The following LNPEP variants were observed in gnomAD, a reference collection of about 807,000 sequenced individuals.
LNPEP encodes the protein leucyl-cystinyl aminopeptidase.
LNPEP carries 64 observed loss-of-function variants against 120.6 expected under a neutral mutation model. That is an observed-to-expected ratio of 0.53 (90% CI 0.43 to 0.65). The LOEUF is 0.65. Ranked by LOEUF, LNPEP falls within the 30% of genes least tolerant of loss-of-function variation. The pLI is 0.00. For missense variants in LNPEP, 1,057 were observed against 1,200.0 expected (o/e 0.88, Z 1.76); for synonymous variants, 435 against 425.4 (o/e 1.02, Z -0.28).
chr5:96,979,052 G>T, intron 1 of LNPEP, 86 bp from the exon 2 acceptor site: 1 of 1,441,686 alleles, frequency 6.9e-7, no homozygotes, highest in Non-Finnish European at 9.3e-7. Context: ...TAGTTTAAAT[G>T]TGGTCTAGGT....
intron 11 of LNPEP, among the ~76,000 whole-genome samples, chr5:97,009,597 A>G (rs1184756816): frequency 6.6e-6 from 1 of 152,226 alleles, no homozygotes; most frequent in Non-Finnish European, 1.5e-5. Context: ...CTAGAATATA[A>G]TTGATTTAAT....
At chr5:96,956,862 C>G (rs1311284907) in intron 1 of LNPEP, among the ~76,000 whole-genome samples, 2 of 152,068 alleles carry the variant, frequency 1.3e-5, no homozygotes, top group African/African-American at 4.8e-5. Flanking sequence ...CAAATTGAAT[C>G]ATTTCTGTTA....
At chr5:96,972,134 T>C (rs1308778141) in intron 1 of LNPEP, among the ~76,000 whole-genome samples, 1 of 152,162 alleles carries the variant, frequency 6.6e-6, no homozygotes, top group African/African-American at 2.4e-5. Flanking sequence ...ACAGCTTAGT[T>C]ACTGGCTGAT....
Position 97,034,467 on chromosome 5 carries a change from G to A in LNPEP, c.*5934G>A, listed in dbSNP as rs779841423. 6.7e-6 allele frequency: 1 copy of A among 150,220 alleles called. No homozygotes were observed. The highest frequency in any genetic ancestry group is 2.4e-5 in the African/African-American group (1 of 40,834). 9.3% of individuals were successfully genotyped at this position (150,220 alleles called of 1,614,324 possible). A position where few individuals can be genotyped will look rare whatever the true frequency, so the allele number is the denominator to read the frequency against. ...TTTCTGGGTTTGTCTTTTTTTTAATGTATATAAAAGTTTGCTAGTTGTTGT... is the reference window on the plus strand; with the variant it reads ...TTTCTGGGTTTGTCTTTTTTTTAATATATATAAAAGTTTGCTAGTTGTTGT... On this transcript the variant is annotated 3_prime_UTR_variant, in exon 18 of 18. Transcript: ENST00000231368.
chr5:96,951,451 G>C (rs1258168434), intron 1 of LNPEP, among the ~76,000 whole-genome samples: 4 of 152,002 alleles, frequency 2.6e-5, no homozygotes. Context: ...GTAGAGACGG[G>C]GTTTCACTGT....
chr5:96,961,678 C>A (rs1181192644), intron 1 of LNPEP, among the ~76,000 whole-genome samples: 1 of 151,996 alleles, frequency 6.6e-6, no homozygotes, highest in Admixed American at 6.6e-5. Context: ...ATATTCAATC[C>A]CTGTATATTT....
At chr5:96,986,039 G>C (rs753368019) in intron 3 of LNPEP, among the ~76,000 whole-genome samples, 1 of 152,036 alleles carries the variant, frequency 6.6e-6, no homozygotes. Flanking sequence ...CCCTCATTTT[G>C]TGTCTGCTGC....
intron 14 of LNPEP, 73 bp downstream of exon 14, chr5:97,022,557 T>G: frequency 4.2e-6 from 5 of 1,184,870 alleles, no homozygotes; most frequent in Non-Finnish European, 6.2e-6. Context: ...ATCCAGGGTA[T>G]TCTCATCCTG....
At chr5:97,003,230 A>G (rs892674927) in intron 8 of LNPEP, among the ~76,000 whole-genome samples, 185 bp from the exon 9 acceptor site, 2 of 152,230 alleles carry the variant, frequency 1.3e-5, no homozygotes, top group African/African-American at 4.8e-5. Flanking sequence ...ATCCTTTAAA[A>G]TAATTTTAAG....
intron 16 of LNPEP, among the ~76,000 whole-genome samples, chr5:97,027,076 G>A (rs1439349745): frequency 6.6e-6 from 1 of 152,110 alleles, no homozygotes; most frequent in Non-Finnish European, 1.5e-5. Flanking sequence ...CTGTATGGCC[G>A]GGCGCGGTGG....
chr5:96,942,652 CAA>C (rs71617155), intron 1 of LNPEP, among the ~76,000 whole-genome samples: 1,159 of 94,482 alleles, frequency 0.012, 7 homozygotes, highest in Admixed American at 0.019. Context: ...GACTCCATCT[CAA>C]AAAAAAAAAA....
intron 1 of LNPEP, among the ~76,000 whole-genome samples, chr5:96,960,952 C>T (rs762093315): frequency 6.6e-6 from 1 of 152,012 alleles, no homozygotes; most frequent in Non-Finnish European, 1.5e-5. Flanking sequence ...TGGTCTTCAA[C>T]CATCAGCTTA....
chr5:97,016,730 A>G (rs1200456434), intron 13 of LNPEP, among the ~76,000 whole-genome samples: 1 of 152,014 alleles, frequency 6.6e-6, no homozygotes, highest in Non-Finnish European at 1.5e-5. Flanking sequence ...AACTTAAGAG[A>G]TTTTTTTTAT....
At chr5:97,011,048 C>T in intron 11 of LNPEP, 3 of 985,362 alleles carry the variant, frequency 3.0e-6, no homozygotes, top group African/African-American at 1.7e-5. Context: ...ACCATCTGGA[C>T]TTGGCTAGGT....
At position 96,976,487 on chromosome 5, in the gene LNPEP, A is replaced by G. The variant is rs555565587; in HGVS notation, c.20-2651A>G. ...ACTGTAGAATATCTCTTGGCTTTAA[A>G]TGGCATGGCAGAAGAATAAAAAAAC... is the stretch of plus-strand genomic sequence containing the variant. On this transcript the variant is annotated intron_variant, in intron 1 of 17. Transcript: ENST00000231368. 1.9e-4 allele frequency among the ~76,000 whole-genome samples: 29 copies of G among 152,266 alleles called. No individual in the cohort carries two copies. The South Asian group carries it at 6.0e-3, about 32-fold the overall frequency.
chr5:97,030,620 C>CTCTCTCTG lies in LNPEP; in HGVS notation c.*2088_*2089insCTCTCTGT, dbSNP rs1554071749. The CTCTCTCTG allele has an allele frequency of 7.9e-6, 1 of 126,278 alleles. No individual in the cohort carries two copies. Among genetic ancestry groups the CTCTCTCTG allele is most frequent in the Non-Finnish European group, 1.7e-5 (1 of 59,460 alleles). 7.8% of individuals were successfully genotyped at this position (126,278 alleles called of 1,614,324 possible). The stretch of plus-strand genomic sequence containing the variant: ...CATTTCTCTCCCTCTCTCTCTCTCT[C>CTCTCTCTG]TGTGTGTGTGTGTGTGTGTGTGTGT... On this transcript the variant is annotated 3_prime_UTR_variant, in exon 18 of 18. Transcript: ENST00000231368.
chr5:97,030,244 ATAT>A lies in LNPEP; in HGVS notation c.*1715_*1717del, dbSNP rs1355296338. On this transcript the variant is annotated 3_prime_UTR_variant, in exon 18 of 18. Transcript: ENST00000231368. ...AAATTTATCTGTTTTAGAGTAGAAA[ATAT>A]TATATCCTGAGAATCACAGAATCAT... 2.0e-5 allele frequency: 3 copies of A among 152,168 alleles called. No individual in the cohort carries two copies. The highest frequency in any genetic ancestry group is 3.2e-3 in the Middle Eastern group (1 of 316). 9.4% of individuals were successfully genotyped at this position (152,168 alleles called of 1,614,324 possible). A position where few individuals can be genotyped will look rare whatever the true frequency, so the allele number is the denominator to read the frequency against.
In LNPEP at chr5:96,992,986, C is replaced by T. The variant is rs1790426980; in HGVS notation, c.1132-29C>T. 2.0e-6 allele frequency: 3 copies of T among 1,529,092 alleles called. No individual in the cohort carries two copies. The African/African-American group carries it at 4.2e-5, about 21-fold the overall frequency. The allele number at this position is 1,529,092 out of a possible 1,614,324, so 94.7% of individuals were successfully genotyped here. On this transcript the variant is annotated intron_variant, in intron 4 of 17. Coordinates refer to ENST00000231368, the MANE Select transcript of LNPEP (RefSeq NM_005575.3). ...TCATGCCATTTTAATTGTACCTGTC[C>T]TTGCATCATACATAATGTTTTCCTT...
intron 11 of LNPEP, chr5:97,011,070 C>T (rs1790913254): frequency 1.0e-6 from 1 of 985,266 alleles, no homozygotes; most frequent in African/African-American, 1.7e-5. Flanking sequence ...TACAACATGG[C>T]AAGCTGCTTA....
Sources: allele counts gnomAD v4.1 joint callset (sites outside exome capture counted in the v4.1 genomes callset), GRCh38; gene constraint gnomAD v4.1.1; transcripts MANE v1.5; gene names NCBI Gene and HGNC (gene_info 2026-07-23, HGNC 2026-07-21).